The following TTC7B variants were observed in gnomAD, a reference collection of about 807,000 sequenced individuals.
TTC7B encodes the protein tetratricopeptide repeat domain 7B.
In TTC7B, 28 loss-of-function variants were observed where a neutral mutation model predicts 106.8. That is an observed-to-expected ratio of 0.26 (90% CI 0.19 to 0.36). TTC7B has a LOEUF of 0.36. Among genes scored for constraint, TTC7B ranks in the 10% least tolerant of loss-of-function variants. The pLI, the probability that TTC7B is intolerant of heterozygous loss-of-function variation, is 1.00. For missense variants in TTC7B, 862 were observed against 1,076.4 expected (o/e 0.80, Z 2.79); for synonymous variants, 405 against 430.6 (o/e 0.94, Z 0.74).
At chr14:90,745,269 C>A (rs1215934981) in intron 3 of TTC7B, among the ~76,000 whole-genome samples, 1 of 143,566 alleles carries the variant, frequency 7.0e-6, no homozygotes, top group East Asian at 2.0e-4. Context: ...GCACTCCAGC[C>A]TGGGCAATAG....
At chr14:90,814,342 C>T (rs994379583) in intron 1 of TTC7B, among the ~76,000 whole-genome samples, 2 of 152,222 alleles carry the variant, frequency 1.3e-5, no homozygotes, top group Non-Finnish European at 2.9e-5. Context: ...GCCTGTCATT[C>T]TCAATCACAT....
intron 19 of TTC7B, among the ~76,000 whole-genome samples, chr14:90,573,562 C>A (rs1301999287): frequency 7.4e-6 from 1 of 135,838 alleles, no homozygotes; most frequent in African/African-American, 2.9e-5. Flanking sequence ...GGCTCACGGT[C>A]CCTCTCCGGC....
chr14:90,788,771 T>C (rs933027052), intron 1 of TTC7B, among the ~76,000 whole-genome samples: 2 of 77,920 alleles, frequency 2.6e-5, no homozygotes, highest in African/African-American at 5.5e-5. Flanking sequence ...GAGATCAACC[T>C]GGCAAACATG....
intron 15 of TTC7B, among the ~76,000 whole-genome samples, chr14:90,633,839 C>T (rs1884806545): frequency 6.6e-6 from 1 of 151,944 alleles, no homozygotes; most frequent in Non-Finnish European, 1.5e-5. Flanking sequence ...AATTCATGAA[C>T]ACCTTTCAGT....
Position 90,816,213 on chromosome 14 carries a change from T to C in TTC7B, c.83A>G (p.Glu28Gly). 1.6e-6 allele frequency: 2 copies of C among 1,273,252 alleles called. No individual in the cohort carries two copies. Among genetic ancestry groups the C allele is most frequent in the Non-Finnish European group, 2.0e-6 (2 of 977,678 alleles). The allele number at this position is 1,273,252 out of a possible 1,614,324, so 78.9% of individuals were successfully genotyped here. A position where few individuals can be genotyped will look rare whatever the true frequency, so the allele number is the denominator to read the frequency against. ...RSECQWERIP[E>G]LVKQLSAKLI... ...CTTGGCCGACAGCTGCTTGACGAGC[T>C]CAGGGATCCGCTCCCACTGGCACTC... The change falls in exon 1 of 20, where the codon GAG becomes GGG. Residue 28 changes from glutamate (E) to glycine (G), a missense_variant. By Grantham distance (98) the Glu-to-Gly change is moderately conservative (BLOSUM62 -2). Transcript: ENST00000328459.
intron 2 of TTC7B, among the ~76,000 whole-genome samples, chr14:90,781,177 A>G (rs966983071): frequency 6.6e-6 from 1 of 152,202 alleles, no homozygotes; most frequent in Non-Finnish European, 1.5e-5. Flanking sequence ...AACCCTAAAA[A>G]CATGATGCCA....
At chr14:90,743,758 A>G (rs780752976) in intron 4 of TTC7B, among the ~76,000 whole-genome samples, 3 of 144,796 alleles carry the variant, frequency 2.1e-5, no homozygotes, top group Non-Finnish European at 4.5e-5. Context: ...AGTAGGAACT[A>G]TGATTATGTT....
intron 15 of TTC7B, among the ~76,000 whole-genome samples, chr14:90,638,265 T>TA (rs1291564077): frequency 4.0e-5 from 6 of 151,842 alleles, no homozygotes; most frequent in Non-Finnish European, 5.9e-5. Context: ...TAAGACAAGT[T>TA]AAAAAAATGG....
chr14:90,771,243 G>C (rs947351670), intron 3 of TTC7B, among the ~76,000 whole-genome samples: 1 of 152,118 alleles, frequency 6.6e-6, no homozygotes, highest in Non-Finnish European at 1.5e-5. Context: ...AAAAGCTATA[G>C]AGTATATTTA....
At chr14:90,673,066 G>C (rs547008463) in intron 9 of TTC7B, among the ~76,000 whole-genome samples, 4 of 152,306 alleles carry the variant, frequency 2.6e-5, no homozygotes, top group South Asian at 2.1e-4. Context: ...TCTGACTCTA[G>C]AGCCTGTGAC....
intron 1 of TTC7B, among the ~76,000 whole-genome samples, chr14:90,787,012 C>T (rs572111852): frequency 6.6e-6 from 1 of 152,214 alleles, no homozygotes; most frequent in Non-Finnish European, 1.5e-5. Flanking sequence ...TCAAGAGTGG[C>T]GCGATGAAAT....
At chr14:90,692,245 T>C (rs1035649784) in intron 6 of TTC7B, among the ~76,000 whole-genome samples, 2 of 152,160 alleles carry the variant, frequency 1.3e-5, no homozygotes, top group African/African-American at 2.4e-5. Flanking sequence ...TCTCACTCTG[T>C]CACCCAGGCT....
chr14:90,716,010 C>T (rs961359890), intron 5 of TTC7B, among the ~76,000 whole-genome samples: 3 of 152,106 alleles, frequency 2.0e-5, no homozygotes, highest in Admixed American at 1.3e-4. Flanking sequence ...AAAAATTATT[C>T]AATGATACTT....
At chr14:90,804,028 C>T (rs538768136) in intron 1 of TTC7B, among the ~76,000 whole-genome samples, 1 of 152,064 alleles carries the variant, frequency 6.6e-6, no homozygotes, top group African/African-American at 2.4e-5. Context: ...TCAACACACT[C>T]GCAGAGAGCC....
intron 5 of TTC7B, among the ~76,000 whole-genome samples, chr14:90,714,637 A>T (rs1888584469): frequency 6.6e-6 from 1 of 151,826 alleles, no homozygotes. Context: ...TTGTATTTTT[A>T]GTAGAGATGG....
intron 1 of TTC7B, among the ~76,000 whole-genome samples, chr14:90,814,845 T>G (rs2031086422): frequency 6.6e-6 from 1 of 152,166 alleles, no homozygotes. Flanking sequence ...TTCCACCAAG[T>G]GGAGCCCGTG....
intron 5 of TTC7B, among the ~76,000 whole-genome samples, chr14:90,709,846 T>A (rs1888368281): frequency 6.6e-6 from 1 of 151,678 alleles, no homozygotes; most frequent in African/African-American, 2.4e-5. Context: ...TATATATAAT[T>A]TATGTTTGAG....
chr14:90,643,835 G>A (rs1885302518), intron 15 of TTC7B, among the ~76,000 whole-genome samples: 2 of 152,000 alleles, frequency 1.3e-5, no homozygotes, highest in South Asian at 2.1e-4. Flanking sequence ...CACCCACCTC[G>A]GCCTCCCAAA....
intron 1 of TTC7B, among the ~76,000 whole-genome samples, chr14:90,800,022 C>T (rs1395856364): frequency 2.0e-5 from 3 of 152,028 alleles, no homozygotes; most frequent in East Asian, 3.9e-4. Flanking sequence ...TTAGTAGAGT[C>T]AGGGTTTCAC....
Sources: allele counts gnomAD v4.1 joint callset (sites outside exome capture counted in the v4.1 genomes callset), GRCh38; gene constraint gnomAD v4.1.1; transcripts MANE v1.5; gene names NCBI Gene and HGNC (gene_info 2026-07-23, HGNC 2026-07-21).